The following NEBL variants were observed in gnomAD, a reference collection of about 807,000 sequenced individuals.
NEBL encodes LIM and SH3 protein 2.
In NEBL, 122 loss-of-function variants were observed where a neutral mutation model predicts 140.2. The ratio of observed to expected loss-of-function variants is 0.87; its 90% CI spans 0.75 to 1.01. The LOEUF (loss-of-function observed/expected upper bound fraction) is 1.01. NEBL is among the 50% of genes least tolerant of loss of function. The pLI, the probability that NEBL is intolerant of heterozygous loss-of-function variation, is 0.00. For synonymous variants in NEBL, 436 were observed against 398.9 expected (o/e 1.09, Z -1.11); for missense variants, 1,365 against 1,231.3 (o/e 1.11, Z -1.62).
chr10:20,889,992 C>A (rs1846890362), intron 2 of NEBL, 43 bp from the exon 3 acceptor site: 1 of 1,280,162 alleles, frequency 7.8e-7, no homozygotes. Flanking sequence ...AAAAGAAAAA[C>A]AATTCTAATG....
At chr10:21,183,537 A>G (rs1389246521) in intron 3 of NEBL, among the ~76,000 whole-genome samples, 1 of 152,236 alleles carries the variant, frequency 6.6e-6, no homozygotes, top group African/African-American at 2.4e-5. Context: ...AAGAGTCTGG[A>G]AAAAATCAGC....
At chr10:21,106,737 C>T (rs1455405061) in intron 2 of NEBL, among the ~76,000 whole-genome samples, 2 of 152,076 alleles carry the variant, frequency 1.3e-5, no homozygotes, top group Non-Finnish European at 2.9e-5. Context: ...TCAGTAGTAG[C>T]TTGATGGGGA....
rs560905496 is a variant in NEBL at position 21,080,429 on chromosome 10, ACT to A, written c.165-60230_165-60229del. ...GGAACAGCTGAGTCATTTGGGACTA[ACT>A]CTGGCATATAAGCTGGAGAAAATTG... On this transcript the variant is annotated intron_variant, in intron 2 of 6. Coordinates refer to the NEBL transcript ENST00000417816. Among the ~76,000 whole-genome samples the A allele has an allele frequency of 1.2e-4, 19 of 152,342 alleles. No individual in the cohort carries two copies. The East Asian group carries it at 3.7e-3, about 29-fold the overall frequency.
upstream of NEBL, among the ~76,000 whole-genome samples, chr10:21,177,163 C>T (rs1841313761): frequency 6.6e-6 from 1 of 152,232 alleles, no homozygotes; most frequent in African/African-American, 2.4e-5. Flanking sequence ...GTGGACATGA[C>T]ATATGTCGTA....
chr10:20,869,435 A>G (rs376409987), intron 6 of NEBL, among the ~76,000 whole-genome samples: 204 of 152,274 alleles, frequency 1.3e-3, no homozygotes, highest in African/African-American at 4.5e-3. Flanking sequence ...ATTATATGGG[A>G]CCATATGACT....
intron 2 of NEBL, among the ~76,000 whole-genome samples, chr10:21,064,563 G>A (rs1835447708): frequency 6.6e-6 from 1 of 152,292 alleles, no homozygotes; most frequent in African/African-American, 2.4e-5. Flanking sequence ...GCAACTGAAA[G>A]TTTCTATTAG....
chr10:20,844,803 G>T (rs917277338), intron 12 of NEBL, among the ~76,000 whole-genome samples: 2 of 152,186 alleles, frequency 1.3e-5, no homozygotes, highest in African/African-American at 4.8e-5. Flanking sequence ...TCAAGAAAGG[G>T]AGAGAACTCT....
At chr10:21,192,021 G>A (rs1841582415) in intron 3 of NEBL, among the ~76,000 whole-genome samples, 1 of 152,044 alleles carries the variant, frequency 6.6e-6, no homozygotes, top group Non-Finnish European at 1.5e-5. Context: ...GGGGTCCCAA[G>A]GTTTTTGTTT....
intron 7 of NEBL, among the ~76,000 whole-genome samples, chr10:20,864,476 CACAGAGTTCAATTT>C: frequency 6.6e-6 from 1 of 152,082 alleles, no homozygotes. Context: ...GGTAAAATCC[CACAGAGTTCAATTT>C]ACAGATAAAA....
chr10:21,184,189 T>C (rs1300335933), intron 3 of NEBL, among the ~76,000 whole-genome samples: 1 of 152,260 alleles, frequency 6.6e-6, no homozygotes, highest in Non-Finnish European at 1.5e-5. Context: ...CTATTACTTT[T>C]GTTTTCCTAT....
intron 2 of NEBL, among the ~76,000 whole-genome samples, chr10:21,117,642 T>C (rs905495744): frequency 6.6e-6 from 1 of 152,196 alleles, no homozygotes; most frequent in African/African-American, 2.4e-5. Context: ...GTCCTATATA[T>C]TGCCTAGTTA....
Position 20,850,554 on chromosome 10 carries a change from G to A in NEBL, c.1009-52C>T, listed in dbSNP as rs745900402. 18 of 1,167,058 alleles carry A rather than the reference G, an allele frequency of 1.5e-5. No homozygotes were observed. The African/African-American group carries it at 2.4e-4, about 16-fold the overall frequency. 72.3% of individuals were successfully genotyped at this position (1,167,058 alleles called of 1,614,324 possible). A position where few individuals can be genotyped will look rare whatever the true frequency, so the allele number is the denominator to read the frequency against. On this transcript the variant is annotated intron_variant, in intron 10 of 27. Coordinates refer to ENST00000377122, the MANE Select transcript of NEBL (RefSeq NM_006393.3). ...CAAATCGAAAGTCCTTATACAAACA[G>A]AGCAAACTAAGAAAAAATATATGTT...
At chr10:21,262,276 G>A (rs1438166865) in intron 1 of NEBL, among the ~76,000 whole-genome samples, 2 of 152,156 alleles carry the variant, frequency 1.3e-5, no homozygotes, top group African/African-American at 2.4e-5. Context: ...CTCTGAATAC[G>A]CCATCACGAA....
At chr10:20,816,435 C>T (rs537604543) in intron 21 of NEBL, among the ~76,000 whole-genome samples, 13 of 152,232 alleles carry the variant, frequency 8.5e-5, no homozygotes, top group African/African-American at 3.1e-4. Flanking sequence ...AAAAAGCCAG[C>T]ATGCTTCTCA....
rs148710363 is a variant in NEBL, at chr10:20,892,550, T to C, written c.154-2601A>G. ...TGTTAGAGTTTTCCTGTTTTTACAG[T>C]CATCTGCACTCCTACCGAATACACA... On this transcript the variant is annotated intron_variant, in intron 2 of 27. Transcript: ENST00000377122. 1.1e-4 allele frequency among the ~76,000 whole-genome samples: 16 copies of C among 152,260 alleles called. 1 individual carries two copies. In the East Asian group the frequency reaches 3.1e-3, roughly 29 times the overall value.
At chr10:21,130,794 T>C (rs1034616795) in intron 2 of NEBL, among the ~76,000 whole-genome samples, 5 of 151,854 alleles carry the variant, frequency 3.3e-5, no homozygotes, top group Non-Finnish European at 5.9e-5. Flanking sequence ...GAAAAAAGAT[T>C]GAAAATTAAT....
intron 2 of NEBL, among the ~76,000 whole-genome samples, chr10:21,103,713 A>G (rs1837581059): frequency 7.0e-6 from 1 of 142,562 alleles, no homozygotes; most frequent in African/African-American, 2.9e-5. Context: ...TATTTTGCAA[A>G]TATTTTCTCC....
chr10:21,214,703 A>C (rs1335746784), intron 3 of NEBL, among the ~76,000 whole-genome samples: 1 of 152,200 alleles, frequency 6.6e-6, no homozygotes, highest in Admixed American at 6.5e-5. Flanking sequence ...CTTCTTTTTT[A>C]ACTGCTAATT....
At chr10:20,878,598 G>A (rs878984585) in intron 5 of NEBL, among the ~76,000 whole-genome samples, 2 of 152,152 alleles carry the variant, frequency 1.3e-5, no homozygotes, top group African/African-American at 4.8e-5. Flanking sequence ...GACAACAAAT[G>A]TATTATTCTA....
Sources: allele counts gnomAD v4.1 joint callset (sites outside exome capture counted in the v4.1 genomes callset), GRCh38; gene constraint gnomAD v4.1.1; transcripts MANE v1.5; gene names NCBI Gene and HGNC (gene_info 2026-07-23, HGNC 2026-07-21).